The following TRPM8 variants were observed in gnomAD, a reference collection of about 807,000 sequenced individuals.
TRPM8 encodes TRPM8 cationic channel.
In TRPM8, 110 loss-of-function variants were observed where a neutral mutation model predicts 133.7. The ratio of observed to expected loss-of-function variants is 0.82; its 90% CI spans 0.70 to 0.96. The LOEUF is 0.96. Ranked by LOEUF, TRPM8 falls within the 40% of genes least tolerant of loss-of-function variation. The probability of loss-of-function intolerance (pLI) is 0.00; values close to 1 mark genes in which losing one functional copy is unlikely to be tolerated. For missense variants in TRPM8, 1,291 were observed against 1,379.5 expected (o/e 0.94, Z 1.02); for synonymous variants, 535 against 532.3 (o/e 1.01, Z -0.07).
chr2:233,940,575 T>C (rs984553516), intron 5 of TRPM8, among the ~76,000 whole-genome samples: 2 of 152,244 alleles, frequency 1.3e-5, no homozygotes, highest in Non-Finnish European at 2.9e-5. Context: ...TCTATGCAGA[T>C]GAAGTGAAGT....
chr2:233,993,750 G>A (rs1263769484), intron 21 of TRPM8, among the ~76,000 whole-genome samples: 1 of 152,188 alleles, frequency 6.6e-6, no homozygotes, highest in Non-Finnish European at 1.5e-5. Flanking sequence ...GGAAGATGGG[G>A]GGCCCACTTG....
intron 24 of TRPM8, among the ~76,000 whole-genome samples, chr2:234,011,105 A>G (rs1010430108): frequency 2.6e-5 from 4 of 152,154 alleles, no homozygotes; most frequent in Admixed American, 2.6e-4. Context: ...TTACAGTTTC[A>G]AGTCTTATGT....
At chr2:233,921,245 C>CT (rs1386760851) in intron 1 of TRPM8, among the ~76,000 whole-genome samples, 1 of 152,162 alleles carries the variant, frequency 6.6e-6, no homozygotes, top group African/African-American at 2.4e-5. Flanking sequence ...CGTATAACTA[C>CT]TGCCACAACC....
intron 11 of TRPM8, among the ~76,000 whole-genome samples, chr2:233,960,017 A>C (rs910845955): frequency 1.3e-5 from 2 of 151,540 alleles, no homozygotes; most frequent in African/African-American, 4.9e-5. Context: ...TCCTGACCTC[A>C]AGTGATTTTC....
intron 4 of TRPM8, among the ~76,000 whole-genome samples, chr2:233,938,658 G>C (rs1397032087): frequency 2.0e-5 from 3 of 152,058 alleles, no homozygotes; most frequent in Non-Finnish European, 4.4e-5. Flanking sequence ...GCATTCTTTT[G>C]AGTTTCTGAT....
intron 15 of TRPM8, among the ~76,000 whole-genome samples, chr2:233,967,005 T>C (rs959832692): frequency 1.3e-5 from 2 of 152,150 alleles, no homozygotes; most frequent in African/African-American, 4.8e-5. Flanking sequence ...GCATCATAAT[T>C]ATGAGCTGTG....
At chr2:233,947,333 G>T (rs911379634) in intron 8 of TRPM8, 178 bp downstream of exon 8, 18 of 1,542,104 alleles carry the variant, frequency 1.2e-5, no homozygotes, top group South Asian at 2.4e-5. Context: ...CAGTCAAGAA[G>T]ATTTGGGAGG....
chr2:233,918,859 C>A (rs1170267659), intron 1 of TRPM8, among the ~76,000 whole-genome samples: 1 of 152,090 alleles, frequency 6.6e-6, no homozygotes, highest in Admixed American at 6.6e-5. Context: ...TGGATGGTGT[C>A]ATTTATATTT....
rs948468610 is a variant in TRPM8 at position 233,937,980 on chromosome 2, G to T, written c.348+471G>T. On this transcript the variant is annotated intron_variant, in intron 4 of 25. Transcript: ENST00000324695. Reference sequence around the variant, plus strand: ...CTCCGTGCTCCCAGTCTCAATGAGAGCACCGTCCACAGGCTGTTCCTGCAG... The same window carrying T: ...CTCCGTGCTCCCAGTCTCAATGAGATCACCGTCCACAGGCTGTTCCTGCAG... Among the ~76,000 whole-genome samples, 5 of 152,160 alleles carry T rather than the reference G, an allele frequency of 3.3e-5. No individual in the cohort carries two copies. The East Asian group carries it at 5.8e-4, about 18-fold the overall frequency.
At chr2:234,009,258 G>A (rs1029290291) in intron 24 of TRPM8, among the ~76,000 whole-genome samples, 8 of 152,206 alleles carry the variant, frequency 5.3e-5, no homozygotes, top group African/African-American at 1.4e-4. Flanking sequence ...ACTCTTCTAC[G>A]TGGTGTGTTT....
At chr2:233,955,700 G>A (rs1691277755) in intron 11 of TRPM8, among the ~76,000 whole-genome samples, 1 of 152,178 alleles carries the variant, frequency 6.6e-6, no homozygotes, top group Non-Finnish European at 1.5e-5. Context: ...TCCGTAGTGA[G>A]ATACATAAGA....
chr2:233,997,825 G>A (rs1317167218), intron 22 of TRPM8, among the ~76,000 whole-genome samples: 2 of 152,058 alleles, frequency 1.3e-5, no homozygotes, highest in Non-Finnish European at 2.9e-5. Flanking sequence ...TGGGGTGCAG[G>A]CTGCTCCCCA....
intron 23 of TRPM8, among the ~76,000 whole-genome samples, chr2:234,007,529 G>A (rs1692724528): frequency 6.6e-6 from 1 of 152,154 alleles, no homozygotes; most frequent in Admixed American, 6.5e-5. Flanking sequence ...TCTGTAGGTG[G>A]CCCAGAAGTA....
Position 233,981,861 on chromosome 2 carries a change from C to T in TRPM8, c.2535C>T (p.His845=), listed in dbSNP as rs1217167280. The T allele has an allele frequency of 6.2e-7, 1 of 1,613,778 alleles. No homozygotes were observed. Among genetic ancestry groups the T allele is most frequent in the African/African-American group, 1.3e-5 (1 of 74,912 alleles). Residue 845 remains histidine (H), a synonymous_variant, in exon 19 of 26, where the codon CAC becomes CAT. Coordinates refer to ENST00000324695, the MANE Select transcript of TRPM8 (RefSeq NM_024080.5). ...DYIIFTLRLI[H]IFTVSRNLGP... ...TTATTTTCACTCTAAGATTGATCCA[C>T]ATTTTTACTGTAAGCAGAAACTTAG...
intron 9 of TRPM8, 85 bp downstream of exon 9, chr2:233,950,231 C>A: frequency 7.6e-7 from 1 of 1,313,942 alleles, no homozygotes; most frequent in Non-Finnish European, 1.1e-6. Flanking sequence ...CCAACTCCAC[C>A]AGCAGCTGCA....
chr2:233,944,743 C>A (rs576871966), intron 6 of TRPM8, among the ~76,000 whole-genome samples: 1 of 152,134 alleles, frequency 6.6e-6, no homozygotes, highest in Non-Finnish European at 1.5e-5. Context: ...TAGCCATATA[C>A]CTTTATTAGT....
intron 2 of TRPM8, among the ~76,000 whole-genome samples, chr2:233,928,208 A>G (rs1312238815): frequency 6.6e-6 from 1 of 151,692 alleles, no homozygotes; most frequent in Non-Finnish European, 1.5e-5. Context: ...TGACCTCGTG[A>G]GCCGCCCACC....
At position 233,985,647 on chromosome 2, in the gene TRPM8, C is replaced by T. The variant is rs1306399758; in HGVS notation, c.2762-41C>T. The stretch of plus-strand genomic sequence containing the variant: ...GGGAATGCCATCGCTCTCACCCCTC[C>T]AGAGGGTCCTCACTTTGCCTGTTGG... On this transcript the variant is annotated intron_variant, in intron 20 of 25. Transcript: ENST00000324695. 3 of 1,597,284 alleles carry T rather than the reference C, an allele frequency of 1.9e-6. No individual in the cohort carries two copies. The South Asian group carries it at 3.3e-5, about 18-fold the overall frequency.
At chr2:233,982,149 C>T (rs4663993) in intron 19 of TRPM8, among the ~76,000 whole-genome samples, 118,788 of 152,134 alleles carry the variant, frequency 0.78, 46,770 homozygotes, top group Middle Eastern at 0.84. Context: ...CTCATACTTA[C>T]TTAGATTTTA....
Sources: gnomAD v4.1 joint callset for allele counts (sites outside exome capture counted in the v4.1 genomes callset) on GRCh38, gnomAD v4.1.1 for gene constraint, MANE v1.5 for transcripts, NCBI Gene and HGNC (gene_info 2026-07-23, HGNC 2026-07-21) for gene names.